Variants in TENM4 observed in about 807,000 individuals in gnomAD.
TENM4 encodes the protein teneurin-4.
Under a neutral mutation model 243.3 loss-of-function variants are expected in TENM4, and 82 were observed. That is an observed-to-expected ratio of 0.34 (90% CI 0.28 to 0.40). The LOEUF is 0.40. Ranked by LOEUF, TENM4 falls within the 10% of genes least tolerant of loss-of-function variation. The probability of loss-of-function intolerance (pLI) is 1.00; values close to 1 mark genes in which losing one functional copy is unlikely to be tolerated. For synonymous variants in TENM4, 1,412 were observed against 1,456.3 expected (o/e 0.97, Z 0.69); for missense variants, 3,138 against 3,673.3 (o/e 0.85, Z 3.77).
intron 1 of TENM4, among the ~76,000 whole-genome samples, chr11:79,412,909 C>G (rs966933062): frequency 6.6e-6 from 1 of 152,172 alleles, no homozygotes; most frequent in Non-Finnish European, 1.5e-5. Flanking sequence ...AAGAATGGAA[C>G]TAGACAACAC....
chr11:79,438,773 A>G lies in TENM4; in HGVS notation c.-321+1736T>C, dbSNP rs185041144. Reference sequence around the variant, plus strand: ...GAAGACTTGGAGCTCTGAAGACCCAATGAAACCTCAGTTCTGACTGACTCC... The same window carrying G: ...GAAGACTTGGAGCTCTGAAGACCCAGTGAAACCTCAGTTCTGACTGACTCC... On this transcript the variant is annotated intron_variant, in intron 1 of 33. Coordinates refer to ENST00000278550, the MANE Select transcript of TENM4 (RefSeq NM_001098816.3). This position sits in a 1 kb window ranked among gnomAD's most constrained non-coding sequence, Gnocchi z 4.1. 2.8e-4 allele frequency among the ~76,000 whole-genome samples: 43 copies of G among 152,326 alleles called. No homozygotes were observed. Among genetic ancestry groups the G allele is most frequent in the African/African-American group, 7.0e-4 (29 of 41,582 alleles).
At chr11:79,208,603 C>A (rs1216147098) in intron 3 of TENM4, among the ~76,000 whole-genome samples, 1 of 152,232 alleles carries the variant, frequency 6.6e-6, no homozygotes, top group Non-Finnish European at 1.5e-5. Flanking sequence ...GACTCCCTTA[C>A]TTCCTAGCTG....
rs1864042594 is a variant in TENM4, at chr11:79,215,827, T to A, written c.-182A>T. ...ACTGACCTGGCTCCATGTCAGCACG[T>A]TCTGAAGAGTCAGCAATGTCCGTGG... On this transcript the variant is annotated 5_prime_UTR_variant, in exon 3 of 34. Coordinates refer to ENST00000278550, the MANE Select transcript of TENM4 (RefSeq NM_001098816.3). The A allele has an allele frequency of 1.0e-6, 1 of 985,658 alleles. No homozygotes were observed. Among genetic ancestry groups the A allele is most frequent in the African/African-American group, 1.7e-5 (1 of 57,212 alleles). 61.1% of individuals were successfully genotyped at this position (985,658 alleles called of 1,614,324 possible).
rs186885839 is a variant in TENM4 at position 79,322,497 on chromosome 11, T to G, written c.-320-24954A>C. Among the ~76,000 whole-genome samples the G allele has an allele frequency of 3.8e-3, 576 of 152,318 alleles. 2 individuals carry two copies. Among genetic ancestry groups the G allele is most frequent in the Admixed American group, 6.4e-3 (98 of 15,296 alleles). ...TTTAGTATAGGATGTGTCACTGTTC[T>G]TAGTTATTTGTCTATATCTTTCCAC... On this transcript the variant is annotated intron_variant, in intron 1 of 33. Transcript: ENST00000278550.
intron 1 of TENM4, among the ~76,000 whole-genome samples, chr11:79,358,649 G>A (rs1464689438): frequency 1.3e-5 from 2 of 150,136 alleles, no homozygotes; most frequent in Non-Finnish European, 3.0e-5. Context: ...CCTCCTGCCT[G>A]CCTTCCTTCT....
At chr11:78,852,119 C>T (rs1460129555) in intron 12 of TENM4, among the ~76,000 whole-genome samples, 3 of 152,228 alleles carry the variant, frequency 2.0e-5, no homozygotes, top group Non-Finnish European at 2.9e-5. Context: ...CCTGTCAAAG[C>T]CCCTGCCCTC....
intron 6 of TENM4, among the ~76,000 whole-genome samples, chr11:79,033,352 G>C (rs1457265824): frequency 2.0e-5 from 3 of 152,080 alleles, no homozygotes; most frequent in Admixed American, 2.0e-4. Flanking sequence ...ATGTGTGCTG[G>C]GAAGGAAGAA....
intron 6 of TENM4, among the ~76,000 whole-genome samples, chr11:78,992,771 C>T (rs1858078130): frequency 6.6e-6 from 1 of 152,216 alleles, no homozygotes; most frequent in Non-Finnish European, 1.5e-5. Flanking sequence ...TACAATCTCA[C>T]TTACTATCTG....
At chr11:78,827,640 C>A (rs1426444104) in intron 12 of TENM4, among the ~76,000 whole-genome samples, 1 of 152,100 alleles carries the variant, frequency 6.6e-6, no homozygotes, top group Non-Finnish European at 1.5e-5. Flanking sequence ...CAGGCATGCA[C>A]CACCATGCCT....
At chr11:78,660,953 A>G (rs538633858) in intron 33 of TENM4, among the ~76,000 whole-genome samples, 1 of 152,326 alleles carries the variant, frequency 6.6e-6, no homozygotes, top group Non-Finnish European at 1.5e-5. Context: ...AGGATACAGA[A>G]CAGGCACATC....
intron 1 of TENM4, among the ~76,000 whole-genome samples, chr11:79,380,480 T>C (rs1203356141): frequency 6.6e-6 from 1 of 152,210 alleles, no homozygotes; most frequent in South Asian, 2.1e-4. Context: ...AACAGGCTGA[T>C]TGATCTATTT....
At chr11:79,372,437 C>T (rs1039127060) in intron 1 of TENM4, among the ~76,000 whole-genome samples, 5 of 152,194 alleles carry the variant, frequency 3.3e-5, no homozygotes, top group African/African-American at 1.2e-4. Flanking sequence ...AGGGCTCTCC[C>T]TTTCCAGAGT....
intron 1 of TENM4, among the ~76,000 whole-genome samples, chr11:79,415,705 T>C (rs143380409): frequency 6.6e-6 from 1 of 152,368 alleles, no homozygotes; most frequent in African/African-American, 2.4e-5. Flanking sequence ...TCTTTCCTTG[T>C]ACTGAACATT....
chr11:78,854,058 A>G lies in TENM4; in HGVS notation c.1681+46T>C, dbSNP rs1858611831. ...CAGAATCTCCATGCAGCCTCCGACC[A>G]AAAGAGACAATATCCCACAGCCCCC... On this transcript the variant is annotated intron_variant, in intron 12 of 33. Coordinates refer to ENST00000278550, the MANE Select transcript of TENM4 (RefSeq NM_001098816.3). The G allele has an allele frequency of 2.6e-6, 4 of 1,521,594 alleles. No homozygotes were observed. The East Asian group carries it at 9.9e-5, about 37-fold the overall frequency. The allele number at this position is 1,521,594 out of a possible 1,614,324, so 94.3% of individuals were successfully genotyped here.
chr11:79,239,968 T>C (rs148661706), intron 2 of TENM4, among the ~76,000 whole-genome samples: 6 of 152,306 alleles, frequency 3.9e-5, no homozygotes, highest in African/African-American at 1.4e-4. Flanking sequence ...TGAGCAGACA[T>C]ATGTGACATT....
At chr11:79,357,250 T>C (rs1278176129) in intron 1 of TENM4, among the ~76,000 whole-genome samples, 2 of 152,260 alleles carry the variant, frequency 1.3e-5, no homozygotes, top group African/African-American at 4.8e-5. Flanking sequence ...AGCAATGGCA[T>C]GATCTCCAAT....
At chr11:79,124,898 T>TGTGTGTGG (rs1861837943) in intron 4 of TENM4, among the ~76,000 whole-genome samples, 1 of 142,218 alleles carries the variant, frequency 7.0e-6, no homozygotes, top group Admixed American at 7.0e-5. Flanking sequence ...TGTATATGTG[T>TGTGTGTGG]GTGTGTGTGT....
At chr11:78,747,100 C>A (rs1565361418) in intron 19 of TENM4, among the ~76,000 whole-genome samples, 2 of 152,164 alleles carry the variant, frequency 1.3e-5, no homozygotes, top group Admixed American at 1.3e-4. Context: ...CACAGCAATA[C>A]ACAGCTGGCC....
At chr11:79,115,416 C>A (rs1861598214) in intron 4 of TENM4, among the ~76,000 whole-genome samples, 1 of 152,210 alleles carries the variant, frequency 6.6e-6, no homozygotes, top group Non-Finnish European at 1.5e-5. Context: ...CTTAGTAATT[C>A]TCTTTCCATT....
Sources: allele counts gnomAD v4.1 joint callset (sites outside exome capture counted in the v4.1 genomes callset), GRCh38; gene constraint gnomAD v4.1.1; non-coding constraint Gnocchi (gnomAD v3.1); transcripts MANE v1.5; gene names NCBI Gene and HGNC (gene_info 2026-07-23, HGNC 2026-07-21).